Variants in FAM81A observed in about 807,000 individuals in gnomAD.
The protein encoded by FAM81A is protein FAM81A.
Under a neutral mutation model 46.7 loss-of-function variants are expected in FAM81A, and 19 were observed. That is an observed-to-expected ratio of 0.41 (90% CI 0.28 to 0.60). FAM81A has a LOEUF of 0.60. FAM81A is among the 20% of genes least tolerant of loss of function. The pLI is 0.34. For synonymous variants in FAM81A, 183 were observed against 152.9 expected, an observed-to-expected ratio of 1.20 and a Z score of -1.45; for missense variants, 377 against 453.5, an observed-to-expected ratio of 0.83 and a Z score of 1.53.
intron 6 of FAM81A, among the ~76,000 whole-genome samples, chr15:59,512,087 A>G (rs921932779): frequency 2.0e-5 from 3 of 152,258 alleles, no homozygotes; most frequent in Admixed American, 6.5e-5. Flanking sequence ...CACTACAGCT[A>G]TACAAATCAG....
intron 2 of FAM81A, among the ~76,000 whole-genome samples, chr15:59,412,526 G>C (rs144215357): frequency 1.6e-3 from 244 of 152,222 alleles, no homozygotes; most frequent in African/African-American, 5.6e-3. Context: ...AGGAATTTAA[G>C]ATTAGCCTCG....
At chr15:59,500,023 A>G (rs2082074993) in intron 4 of FAM81A, among the ~76,000 whole-genome samples, 1 of 150,978 alleles carries the variant, frequency 6.6e-6, no homozygotes, top group African/African-American at 2.4e-5. Flanking sequence ...TGGCTAATTT[A>G]TGTATTGTTG....
intron 3 of FAM81A, among the ~76,000 whole-genome samples, chr15:59,475,699 A>C (rs1471130006): frequency 1.3e-5 from 2 of 152,202 alleles, no homozygotes; most frequent in Non-Finnish European, 2.9e-5. Flanking sequence ...TTGAGTGTTT[A>C]CTTTTTTTGT....
chr15:59,437,213 G>C (rs1457126674), upstream of FAM81A, among the ~76,000 whole-genome samples: 1 of 152,066 alleles, frequency 6.6e-6, no homozygotes, highest in African/African-American at 2.4e-5. Context: ...TCCACAGTTC[G>C]GGCTCTTCTA....
intron 1 of FAM81A, among the ~76,000 whole-genome samples, chr15:59,398,311 A>T (rs527476112): frequency 6.6e-6 from 1 of 152,232 alleles, no homozygotes; most frequent in Admixed American, 6.5e-5. Flanking sequence ...GAATAAACAC[A>T]TGGGAGGAAC....
At chr15:59,492,422 C>G in intron 4 of FAM81A, 33 bp downstream of exon 4, 1 of 1,546,234 alleles carries the variant, frequency 6.5e-7, no homozygotes, top group Non-Finnish European at 8.9e-7. Flanking sequence ...CTCTGCTCAT[C>G]AAAAACCATT....
intron 2 of FAM81A, among the ~76,000 whole-genome samples, chr15:59,428,974 T>A (rs1490237675): frequency 3.9e-5 from 6 of 152,182 alleles, no homozygotes; most frequent in African/African-American, 1.4e-4. Flanking sequence ...TAGAAAATAT[T>A]TCTCAGTGGA....
At chr15:59,400,947 T>C (rs1484255696) in intron 1 of FAM81A, among the ~76,000 whole-genome samples, 2 of 152,228 alleles carry the variant, frequency 1.3e-5, no homozygotes, top group African/African-American at 4.8e-5. Flanking sequence ...AGGTTTCAAA[T>C]TAATTCTGGA....
At chr15:59,445,673 T>TATAG (rs1434064386) in intron 1 of FAM81A, 2 of 152,192 alleles carry the variant, frequency 1.3e-5, no homozygotes, top group Non-Finnish European at 2.9e-5. Flanking sequence ...GCCAGCGATT[T>TATAG]ATAGATGGTA....
intron 7 of FAM81A, 116 bp from the exon 8 acceptor site, chr15:59,516,529 C>G (rs1359822255): frequency 1.0e-6 from 1 of 970,226 alleles, no homozygotes; most frequent in East Asian, 2.7e-5. Context: ...GGGCAACAAG[C>G]AGCTGTTGCA....
chr15:59,452,938 T>C (rs998175589), intron 1 of FAM81A, among the ~76,000 whole-genome samples: 1 of 152,148 alleles, frequency 6.6e-6, no homozygotes. Flanking sequence ...AATTTTTGTA[T>C]TTTTTGTAGA....
intron 2 of FAM81A, among the ~76,000 whole-genome samples, chr15:59,427,693 T>G (rs1438119494): frequency 2.0e-5 from 3 of 152,214 alleles, no homozygotes; most frequent in Non-Finnish European, 4.4e-5. Context: ...TTACTTAACA[T>G]AATGACCTCC....
intron 2 of FAM81A, among the ~76,000 whole-genome samples, chr15:59,406,349 G>A (rs2081094845): frequency 6.6e-6 from 1 of 152,182 alleles, no homozygotes; most frequent in African/African-American, 2.4e-5. Flanking sequence ...CAGATGAGGA[G>A]ATTGAGGCTG....
chr15:59,501,825 T>C (rs1468438143), intron 4 of FAM81A, among the ~76,000 whole-genome samples: 4 of 152,178 alleles, frequency 2.6e-5, no homozygotes. Context: ...TAAGGACGAA[T>C]AGGAAAACTG....
chr15:59,468,561 T>G (rs1248515157), intron 3 of FAM81A, among the ~76,000 whole-genome samples: 1 of 152,162 alleles, frequency 6.6e-6, no homozygotes, highest in African/African-American at 2.4e-5. Flanking sequence ...GATATCCCCT[T>G]TACCATTTTT....
At chr15:59,399,844 G>A (rs2140460873) in intron 1 of FAM81A, among the ~76,000 whole-genome samples, 1 of 152,242 alleles carries the variant, frequency 6.6e-6, no homozygotes, top group Middle Eastern at 3.4e-3. Flanking sequence ...GGGCAGGAGG[G>A]GAAAGAGTGG....
chr15:59,482,540 A>G (rs1033983933), intron 3 of FAM81A, among the ~76,000 whole-genome samples: 4 of 152,184 alleles, frequency 2.6e-5, no homozygotes, highest in Admixed American at 6.5e-5. Flanking sequence ...AAGTGCTGGG[A>G]TTATGGGCGT....
rs1203521597 is a variant in FAM81A, at chr15:59,522,253, T to C, written c.*875T>C. Reference sequence around the variant, plus strand: ...CAAAATTGGCACAAAGTGCTAGGGTTTATATACACTTATCGTAACTGTATT... The same window carrying C: ...CAAAATTGGCACAAAGTGCTAGGGTCTATATACACTTATCGTAACTGTATT... On this transcript the variant is annotated 3_prime_UTR_variant, in exon 9 of 9. Coordinates refer to ENST00000288228, the MANE Select transcript of FAM81A (RefSeq NM_152450.3). 1 of 152,656 alleles carries C rather than the reference T, an allele frequency of 6.6e-6. No homozygotes were observed. Among genetic ancestry groups the C allele is most frequent in the African/African-American group, 2.4e-5 (1 of 41,456 alleles). 9.5% of individuals were successfully genotyped at this position (152,656 alleles called of 1,614,324 possible).
At chr15:59,493,303 T>G (rs1422033980) in intron 4 of FAM81A, among the ~76,000 whole-genome samples, 1 of 152,180 alleles carries the variant, frequency 6.6e-6, no homozygotes, top group Non-Finnish European at 1.5e-5. Context: ...TTGAGTCTGC[T>G]GGGTAAAGAT....
Sources: gnomAD v4.1 joint callset for allele counts (sites outside exome capture counted in the v4.1 genomes callset) on GRCh38, gnomAD v4.1.1 for gene constraint, MANE v1.5 for transcripts, NCBI Gene and HGNC (gene_info 2026-07-23, HGNC 2026-07-21) for gene names.